BST1: variants seen among roughly 807,000 people sequenced by gnomAD.
BST1 encodes the protein bone marrow stromal cell antigen 1.
A neutral mutation model predicts 40.6 loss-of-function variants in BST1; 49 were observed. The ratio of observed to expected loss-of-function variants is 1.21; its 90% CI spans 0.96 to 1.53. BST1 has a LOEUF of 1.53. BST1 is among the 40% of genes most tolerant of loss of function. The probability of loss-of-function intolerance (pLI) is 0.00; values close to 1 mark genes in which losing one functional copy is unlikely to be tolerated. For synonymous variants in BST1, 157 were observed against 159.3 expected (o/e 0.99, Z 0.11); for missense variants, 423 against 395.9 (o/e 1.07, Z -0.58).
chr4:15,714,785 G>A (rs1265425729), intron 4 of BST1, among the ~76,000 whole-genome samples: 2 of 152,176 alleles, frequency 1.3e-5, no homozygotes, highest in Non-Finnish European at 2.9e-5. Context: ...TCAGTTGCGA[G>A]CGGGAGTGTG....
the BST1 span, among the ~76,000 whole-genome samples, chr4:15,755,480 A>G: frequency 3.3e-5 from 5 of 152,292 alleles, no homozygotes; most frequent in South Asian, 1.0e-3. Flanking sequence ...AATCTGGTAT[A>G]TTTATTATCT....
At chr4:15,736,266 T>C, downstream of BST1, 1 of 447,694 alleles carries the variant, frequency 2.2e-6, no homozygotes, top group African/African-American at 2.1e-5. Context: ...CATCGTCCTC[T>C]TGCTCAAAAT....
At chr4:15,737,410 T>C (rs887377159), downstream of BST1, among the ~76,000 whole-genome samples, 5 of 152,190 alleles carry the variant, frequency 3.3e-5, no homozygotes, top group African/African-American at 9.7e-5. Flanking sequence ...AGAAAGCTTT[T>C]CTTACTTGGC....
intron 8 of BST1, among the ~76,000 whole-genome samples, chr4:15,724,557 G>A (rs548745397): frequency 1.5e-4 from 23 of 152,054 alleles, no homozygotes; most frequent in East Asian, 1.4e-3. Flanking sequence ...GTGGTGGTGC[G>A]TGCCTGTAAC....
intron 3 of BST1, among the ~76,000 whole-genome samples, chr4:15,707,872 T>C (rs982280762): frequency 6.8e-6 from 1 of 146,356 alleles, no homozygotes; most frequent in Non-Finnish European, 1.5e-5. Context: ...TATATATATA[T>C]ATACACATAT....
intron 3 of BST1, among the ~76,000 whole-genome samples, chr4:15,709,195 C>G (rs1720049601): frequency 6.6e-6 from 1 of 152,068 alleles, no homozygotes; most frequent in Non-Finnish European, 1.5e-5. Context: ...TGCATTTTTA[C>G]CTAGATGCCG....
chr4:15,723,638 G>A, intron 8 of BST1: 1 of 978,916 alleles, frequency 1.0e-6, no homozygotes, highest in Non-Finnish European at 1.2e-6. Flanking sequence ...AAACAATGCT[G>A]AAATATAATC....
the BST1 span, among the ~76,000 whole-genome samples, chr4:15,766,787 T>TAAAAAAAA: frequency 1.5e-5 from 1 of 68,418 alleles, no homozygotes; most frequent in Non-Finnish European, 2.6e-5. Context: ...AAGACCTCCC[T>TAAAAAAAA]AAAAAAAAAA....
rs1176678382 is a variant in BST1 at position 15,731,920 on chromosome 4, T to C, written c.*75T>C. 4.0e-6 allele frequency: 6 copies of C among 1,492,972 alleles called. No homozygotes were observed. In the East Asian group the frequency reaches 1.4e-4, roughly 36 times the overall value. 92.5% of individuals were successfully genotyped at this position (1,492,972 alleles called of 1,614,324 possible). On this transcript the variant is annotated 3_prime_UTR_variant, in exon 9 of 9. Coordinates refer to ENST00000265016, the MANE Select transcript of BST1 (RefSeq NM_004334.3). Reference sequence around the variant, plus strand: ...GCAGTCATCATTCGTGTTCTGTGTATACCAAATGATTCTGTTATCTAAAGA... The same window carrying C: ...GCAGTCATCATTCGTGTTCTGTGTACACCAAATGATTCTGTTATCTAAAGA...
chr4:15,719,689 T>C (rs553700176), intron 7 of BST1, among the ~76,000 whole-genome samples: 46 of 152,204 alleles, frequency 3.0e-4, no homozygotes, highest in Non-Finnish European at 6.2e-4. Context: ...TGAGTGTCGC[T>C]GGGTGGAAAT....
At chr4:15,713,170 A>G (rs1271822616) in intron 4 of BST1, among the ~76,000 whole-genome samples, 1 of 151,942 alleles carries the variant, frequency 6.6e-6, no homozygotes, top group African/African-American at 2.4e-5. Context: ...CAAGTATTCA[A>G]TAAATGTTAG....
At chr4:15,746,025 A>G in the BST1 span, among the ~76,000 whole-genome samples, 1 of 152,236 alleles carries the variant, frequency 6.6e-6, no homozygotes. Context: ...CAAGATGGTG[A>G]GTTACCTGCA....
the BST1 span, among the ~76,000 whole-genome samples, chr4:15,760,949 CAAAGTGCTGGGATT>C: frequency 0.032 from 4,804 of 151,596 alleles, 272 homozygotes; most frequent in African/African-American, 0.093. Flanking sequence ...CTTGGCCTTT[CAAAGTGCTGGGATT>C]ACAGGTGTGA....
chr4:15,730,335 T>G (rs961310566), intron 8 of BST1, among the ~76,000 whole-genome samples: 1 of 152,224 alleles, frequency 6.6e-6, no homozygotes, highest in African/African-American at 2.4e-5. Flanking sequence ...GGCCAGATAC[T>G]GTTTACTATG....
Position 15,731,403 on chromosome 4 carries a change from T to C in BST1, c.852-337T>C, listed in dbSNP as rs529275687. 2.4e-4 allele frequency: 144 copies of C among 596,364 alleles called. No homozygotes were observed. The East Asian group carries it at 5.4e-3, about 22-fold the overall frequency. The allele number at this position is 596,364 out of a possible 1,614,324, so 36.9% of individuals were successfully genotyped here. On this transcript the variant is annotated intron_variant, in intron 8 of 8. Transcript: ENST00000265016. ...GTGGAAATCCACAGGCTTGGCCTTG[T>C]CACGGTGCTGCTGGTTACCCAGGAC...
intron 7 of BST1, among the ~76,000 whole-genome samples, chr4:15,720,599 C>CA (rs575238008): frequency 0.19 from 21,376 of 109,944 alleles, 1,664 homozygotes; most frequent in East Asian, 0.33. Context: ...GACTCTGTCT[C>CA]AAAAAAAAAA....
chr4:15,758,763 A>ACAGAAAGCCAAAGGT, the BST1 span, among the ~76,000 whole-genome samples: 1 of 152,144 alleles, frequency 6.6e-6, no homozygotes, highest in African/African-American at 2.4e-5. Flanking sequence ...TGATTGTTTT[A>ACAGAAAGCCAAAGGT]GATTCTTCAT....
Position 15,715,268 on chromosome 4 carries a change from C to G in BST1, c.535-17C>G. The G allele has an allele frequency of 6.2e-7, 1 of 1,611,858 alleles. No individual in the cohort carries two copies. Among genetic ancestry groups the G allele is most frequent in the Non-Finnish European group, 8.5e-7 (1 of 1,178,382 alleles). Reference sequence around the variant, plus strand: ...GTCACGTCTTTATTTGCTAAAAATACTTGGTTCTTCTCGTAGTATTCCAAG... The same window carrying G: ...GTCACGTCTTTATTTGCTAAAAATAGTTGGTTCTTCTCGTAGTATTCCAAG... On this transcript the variant is annotated splice_polypyrimidine_tract_variant and intron_variant, in intron 4 of 8. Transcript: ENST00000265016.
At chr4:15,772,128 T>C in the BST1 span, among the ~76,000 whole-genome samples, 6 of 152,206 alleles carry the variant, frequency 3.9e-5, no homozygotes, top group African/African-American at 1.4e-4. Context: ...TTGACATTTA[T>C]TCCACGTGTG....
Sources: gnomAD v4.1 joint callset for allele counts (sites outside exome capture counted in the v4.1 genomes callset) on GRCh38, gnomAD v4.1.1 for gene constraint, MANE v1.5 for transcripts, NCBI Gene and HGNC (gene_info 2026-07-23, HGNC 2026-07-21) for gene names.